CSMD3: variants seen among roughly 807,000 people sequenced by gnomAD.
The protein encoded by CSMD3 is CUB and Sushi multiple domains 3, also known as CUB and sushi domain-containing protein 3.
In CSMD3, 177 loss-of-function variants were observed where a neutral mutation model predicts 435.2. The ratio of observed to expected loss-of-function variants is 0.41; its 90% CI spans 0.36 to 0.46. The LOEUF (loss-of-function observed/expected upper bound fraction) is 0.46. Among genes scored for constraint, CSMD3 ranks in the 20% least tolerant of loss-of-function variants. The pLI is 0.34. For missense variants in CSMD3, 4,265 were observed against 4,504.6 expected, an observed-to-expected ratio of 0.95 and a Z score of 1.52; for synonymous variants, 1,656 against 1,520.5, an observed-to-expected ratio of 1.09 and a Z score of -2.07.
At chr8:112,552,320 T>C (rs935095961) in intron 26 of CSMD3, among the ~76,000 whole-genome samples, 2 of 151,830 alleles carry the variant, frequency 1.3e-5, no homozygotes, top group Non-Finnish European at 2.9e-5. Flanking sequence ...ACCTCGTTTC[T>C]ACAAAATATT....
chr8:113,348,475 AAGAT>A (rs1344951817), intron 1 of CSMD3, among the ~76,000 whole-genome samples: 2 of 152,120 alleles, frequency 1.3e-5, no homozygotes, highest in Non-Finnish European at 2.9e-5. Flanking sequence ...TCCAAATGCA[AAGAT>A]GCCTCTCTTT....
At chr8:112,426,449 CTG>C (rs1313338536) in intron 32 of CSMD3, among the ~76,000 whole-genome samples, 2 of 152,114 alleles carry the variant, frequency 1.3e-5, no homozygotes, top group African/African-American at 4.8e-5. Flanking sequence ...CCTGGCCACT[CTG>C]TGACTCTTCT....
intron 22 of CSMD3, among the ~76,000 whole-genome samples, chr8:112,614,730 T>C (rs748619561): frequency 1.1e-4 from 17 of 152,114 alleles, no homozygotes; most frequent in South Asian, 2.1e-4. Context: ...AAGTTAGATA[T>C]TGAATTTTAT....
At chr8:112,226,803 T>C (rs374416405) in intron 70 of CSMD3, among the ~76,000 whole-genome samples, 5 of 152,248 alleles carry the variant, frequency 3.3e-5, no homozygotes, top group African/African-American at 9.6e-5. Flanking sequence ...AAAAGGATGC[T>C]TAACATCACC....
chr8:112,680,391 C>T (rs1188619114), intron 16 of CSMD3, among the ~76,000 whole-genome samples: 1 of 151,920 alleles, frequency 6.6e-6, no homozygotes, highest in Non-Finnish European at 1.5e-5. Flanking sequence ...AACAAAAATG[C>T]TAATGTAGAT....
chr8:113,010,801 C>T (rs1358482567), intron 6 of CSMD3, among the ~76,000 whole-genome samples: 1 of 151,466 alleles, frequency 6.6e-6, no homozygotes, highest in Non-Finnish European at 1.5e-5. Context: ...TTAAGTAAGA[C>T]TATCCATGAT....
intron 55 of CSMD3, among the ~76,000 whole-genome samples, chr8:112,292,287 T>C (rs985625539): frequency 6.6e-5 from 10 of 151,998 alleles, no homozygotes; most frequent in Non-Finnish European, 1.2e-4. Context: ...ACTCTACCAC[T>C]TTTAACTTTT....
chr8:112,626,955 C>T (rs1029666025), intron 22 of CSMD3, among the ~76,000 whole-genome samples: 2 of 152,070 alleles, frequency 1.3e-5, no homozygotes, highest in Non-Finnish European at 2.9e-5. Flanking sequence ...CTTAACCTCC[C>T]TGTGTCTCAG....
At chr8:113,430,846 A>G (rs200815765) in intron 1 of CSMD3, among the ~76,000 whole-genome samples, 3 of 152,212 alleles carry the variant, frequency 2.0e-5, no homozygotes, top group East Asian at 3.9e-4. Context: ...CCGGCAACGA[A>G]TTATCACTAT....
chr8:113,355,767 C>CACA (rs1186190872), intron 1 of CSMD3, among the ~76,000 whole-genome samples: 2 of 56,612 alleles, frequency 3.5e-5, no homozygotes, highest in African/African-American at 1.3e-4. Context: ...CACACACACA[C>CACA]GGGGTGTGTG....
At chr8:112,689,075 C>T (rs994306416) in intron 14 of CSMD3, among the ~76,000 whole-genome samples, 14 of 152,104 alleles carry the variant, frequency 9.2e-5, no homozygotes, top group African/African-American at 3.4e-4. Flanking sequence ...TCTTCTCTTA[C>T]AAGAACTTCA....
intron 1 of CSMD3, among the ~76,000 whole-genome samples, chr8:113,410,937 GAA>G (rs1275583318): frequency 7.1e-6 from 1 of 141,476 alleles, no homozygotes. Context: ...AAGAAAGAAA[GAA>G]AGAAAGAAAG....
chr8:112,560,770 A>G (rs914833772), intron 24 of CSMD3, among the ~76,000 whole-genome samples: 3 of 151,746 alleles, frequency 2.0e-5, no homozygotes, highest in Admixed American at 6.6e-5. Context: ...CTTTGCATGG[A>G]TCTGCATACT....
chr8:112,604,362 T>C (rs1411252985), intron 22 of CSMD3, among the ~76,000 whole-genome samples: 1 of 152,130 alleles, frequency 6.6e-6, no homozygotes, highest in African/African-American at 2.4e-5. Flanking sequence ...GTGAAAAATG[T>C]CATTGATAGT....
At chr8:113,151,687 C>T (rs1223327041) in intron 4 of CSMD3, among the ~76,000 whole-genome samples, 1 of 151,838 alleles carries the variant, frequency 6.6e-6, no homozygotes, top group Non-Finnish European at 1.5e-5. Flanking sequence ...AGAGTATTGA[C>T]AATAGAATCA....
Position 112,650,344 on chromosome 8 carries a change from T to C in CSMD3, c.3010A>G (p.Thr1004Ala), listed in dbSNP as rs143795220. The change falls in exon 19 of 71, where the codon ACA becomes GCA. Residue 1004 changes from threonine (T) to alanine (A), a missense_variant. Transcript: ENST00000297405. ...NGFKIHYESV[T>A]VNTYSCLDPG... ...TCCAAACAAGAATACGTGTTCACTG[T>C]AACACCTGGAAAACAAAGGGAAGAA... 2 of 1,612,652 alleles carry C rather than the reference T, an allele frequency of 1.2e-6. No individual in the cohort carries two copies. Among genetic ancestry groups the C allele is most frequent in the Non-Finnish European group, 1.7e-6 (2 of 1,178,722 alleles).
chr8:113,042,096 A>G (rs1454796921), intron 5 of CSMD3, among the ~76,000 whole-genome samples: 3 of 152,202 alleles, frequency 2.0e-5, no homozygotes, highest in African/African-American at 4.8e-5. Context: ...TTGTATTTCT[A>G]CATTCATGTC....
chr8:112,554,585 T>C lies in CSMD3; in HGVS notation c.4235-1865A>G, dbSNP rs927318398. On this transcript the variant is annotated intron_variant, in intron 25 of 70. Coordinates refer to ENST00000297405, the MANE Select transcript of CSMD3 (RefSeq NM_198123.2). Reference sequence around the variant, plus strand: ...GTCAATTAGAGAATTTTGCACTATATTGCATCTTGAACTTAAACATAGCTG... The same window carrying C: ...GTCAATTAGAGAATTTTGCACTATACTGCATCTTGAACTTAAACATAGCTG... Among the ~76,000 whole-genome samples, 5 of 151,964 alleles carry C rather than the reference T, an allele frequency of 3.3e-5. No homozygotes were observed. The East Asian group carries it at 7.7e-4, about 23-fold the overall frequency.
intron 4 of CSMD3, among the ~76,000 whole-genome samples, chr8:113,123,405 G>C (rs1011136094): frequency 2.0e-5 from 3 of 151,976 alleles, no homozygotes; most frequent in Non-Finnish European, 4.4e-5. Context: ...GGCCAAATCT[G>C]GTCTATTGCC....
Sources: allele counts gnomAD v4.1 joint callset (sites outside exome capture counted in the v4.1 genomes callset), GRCh38; gene constraint gnomAD v4.1.1; transcripts MANE v1.5; gene names NCBI Gene and HGNC (gene_info 2026-07-23, HGNC 2026-07-21).